The following NALCN variants were observed in gnomAD, a reference collection of about 807,000 sequenced individuals.
NALCN encodes the protein sodium leak channel NALCN.
In NALCN, 111 loss-of-function variants were observed where a neutral mutation model predicts 225.3. The ratio of observed to expected loss-of-function variants is 0.49; its 90% CI spans 0.42 to 0.58. NALCN has a LOEUF of 0.58. Among genes scored for constraint, NALCN ranks in the 20% least tolerant of loss-of-function variants. The pLI is 0.00. For synonymous variants in NALCN, 764 were observed against 769.0 expected (o/e 0.99, Z 0.11); for missense variants, 1,378 against 2,202.4 (o/e 0.63, Z 7.49).
intron 13 of NALCN, among the ~76,000 whole-genome samples, chr13:101,214,634 G>A (rs1051177275): frequency 1.1e-4 from 17 of 151,950 alleles, no homozygotes; most frequent in Non-Finnish European, 1.3e-4. Context: ...AAAACTCCAG[G>A]GACCAAAAGC....
chr13:101,105,382 T>C (rs1031959981), intron 22 of NALCN, among the ~76,000 whole-genome samples: 1 of 152,210 alleles, frequency 6.6e-6, no homozygotes, highest in Non-Finnish European at 1.5e-5. Flanking sequence ...TTAACTGTGA[T>C]GTGGTAGAAT....
intron 6 of NALCN, among the ~76,000 whole-genome samples, chr13:101,350,319 C>A (rs990719781): frequency 6.6e-6 from 1 of 152,080 alleles, no homozygotes; most frequent in Non-Finnish European, 1.5e-5. Flanking sequence ...CCAGCTCCTG[C>A]CTAATGCAGG....
intron 6 of NALCN, among the ~76,000 whole-genome samples, chr13:101,366,854 A>G (rs2139383999): frequency 6.6e-6 from 1 of 152,240 alleles, no homozygotes; most frequent in African/African-American, 2.4e-5. Flanking sequence ...CCTGTTGTGC[A>G]TGGATCTCAA....
At chr13:101,123,679 G>A (rs1310067528) in intron 18 of NALCN, among the ~76,000 whole-genome samples, 4 of 152,162 alleles carry the variant, frequency 2.6e-5, no homozygotes. Flanking sequence ...GAGAAATACT[G>A]TCTTGATGAG....
intron 13 of NALCN, among the ~76,000 whole-genome samples, chr13:101,226,289 C>A (rs2041138520): frequency 6.6e-6 from 1 of 152,140 alleles, no homozygotes; most frequent in African/African-American, 2.4e-5. Context: ...CCACAATAAA[C>A]TTTCCCTCAC....
intron 15 of NALCN, among the ~76,000 whole-genome samples, chr13:101,151,389 G>A (rs1355768983): frequency 6.6e-6 from 1 of 152,274 alleles, no homozygotes; most frequent in Non-Finnish European, 1.5e-5. Flanking sequence ...AAAAATTTTT[G>A]TAATTTTTTG....
intron 11 of NALCN, among the ~76,000 whole-genome samples, chr13:101,246,524 T>C (rs889993776): frequency 6.6e-6 from 1 of 152,192 alleles, no homozygotes; most frequent in Non-Finnish European, 1.5e-5. Flanking sequence ...TAGCTTATAG[T>C]GTATATCAGT....
rs145963290 is a variant in NALCN at position 101,259,948 on chromosome 13, C to T, written c.1135-1374G>A. On this transcript the variant is annotated intron_variant, in intron 10 of 43. Coordinates refer to ENST00000251127, the MANE Select transcript of NALCN (RefSeq NM_052867.4). ...TATTGACTGCAGTCACTGTATTATG[C>T]TAGCAAATAGTAGGTCTTATCTATT... is the stretch of plus-strand genomic sequence containing the variant. 4.8e-4 allele frequency among the ~76,000 whole-genome samples: 73 copies of T among 151,654 alleles called. 2 individuals carry two copies. The highest frequency in any genetic ancestry group is 1.7e-3 in the African/African-American group (70 of 41,388).
intron 7 of NALCN, among the ~76,000 whole-genome samples, chr13:101,316,893 C>G (rs1415866): frequency 0.41 from 62,030 of 151,974 alleles, 13,019 homozygotes; most frequent in Middle Eastern, 0.47. Flanking sequence ...TAATTAAGTA[C>G]TTTCATGATG....
chr13:101,330,315 T>C (rs1455198390), intron 7 of NALCN, among the ~76,000 whole-genome samples: 1 of 152,014 alleles, frequency 6.6e-6, no homozygotes, highest in African/African-American at 2.4e-5. Flanking sequence ...AGCCAAATGG[T>C]TCACAGATGT....
At chr13:101,171,313 C>A (rs2038704006) in intron 15 of NALCN, among the ~76,000 whole-genome samples, 1 of 147,924 alleles carries the variant, frequency 6.8e-6, no homozygotes, top group South Asian at 2.1e-4. Flanking sequence ...TTAATATATA[C>A]ATATACGTAT....
At chr13:101,177,433 G>A (rs1374983717) in intron 14 of NALCN, among the ~76,000 whole-genome samples, 6 of 94,610 alleles carry the variant, frequency 6.3e-5, no homozygotes, top group South Asian at 3.7e-4. Flanking sequence ...ATATATATAT[G>A]GTAGAAGCTC....
rs770521490 is a variant in NALCN, at chr13:101,111,229, A to AG, written c.2193-4dup. ...GCATGCGCTGTCGGGTGCAAGCTCTAGGAAAAAAAAAGGAGCCCAAGATAA... is the reference window on the plus strand; with the variant it reads ...GCATGCGCTGTCGGGTGCAAGCTCTAGGGAAAAAAAAAGGAGCCCAAGATAA... On this transcript the variant is annotated splice_region_variant and splice_polypyrimidine_tract_variant and intron_variant, in intron 18 of 43. Transcript: ENST00000251127. 4 of 1,579,542 alleles carry AG rather than the reference A, an allele frequency of 2.5e-6. No homozygotes were observed. Among genetic ancestry groups the AG allele is most frequent in the East Asian group, 4.6e-5 (2 of 43,162 alleles).
chr13:101,280,460 A>G (rs1363313410), intron 10 of NALCN, among the ~76,000 whole-genome samples: 1 of 151,958 alleles, frequency 6.6e-6, no homozygotes, highest in Non-Finnish European at 1.5e-5. Context: ...TTGTCATCAC[A>G]CTTCACCCTG....
In NALCN at chr13:101,330,045, TTATATATAATA is replaced by T. The variant is rs1249203071; in HGVS notation, c.799+15210_799+15220del. 4.7e-5 allele frequency among the ~76,000 whole-genome samples: 7 copies of T among 149,516 alleles called. No individual in the cohort carries two copies. The East Asian group carries it at 1.4e-3, about 29-fold the overall frequency. On this transcript the variant is annotated intron_variant, in intron 7 of 43. Coordinates refer to ENST00000251127, the MANE Select transcript of NALCN (RefSeq NM_052867.4). ...CAGAGAGAGACTGTTTCAAAAAAAATTATATATAATATATATATACATATATATAATGTTAT... is the reference window on the plus strand; with the variant it reads ...CAGAGAGAGACTGTTTCAAAAAAAATTATATATACATATATATAATGTTAT...
rs377466958 is a variant in NALCN, at chr13:101,295,578, A to AT, written c.800-3213dup. Among the ~76,000 whole-genome samples the AT allele has an allele frequency of 1.6e-3, 243 of 151,532 alleles. 1 individual carries two copies. The highest frequency in any genetic ancestry group is 6.8e-3 in the Middle Eastern group (2 of 294). ...CTAGTAGCCTTGAAACTTCTACTCC[A>AT]TTTTTTTTTCTAATTGGACAAAGGA... On this transcript the variant is annotated intron_variant, in intron 7 of 43. Transcript: ENST00000251127.
intron 13 of NALCN, among the ~76,000 whole-genome samples, chr13:101,214,991 A>C (rs533067939): frequency 2.4e-4 from 37 of 152,282 alleles, no homozygotes; most frequent in Middle Eastern, 6.8e-3. Context: ...GTACTGTGGC[A>C]ATTGTTTATC....
chr13:101,317,518 T>A (rs1313085136), intron 7 of NALCN, among the ~76,000 whole-genome samples: 1 of 152,196 alleles, frequency 6.6e-6, no homozygotes, highest in Non-Finnish European at 1.5e-5. Flanking sequence ...CCATAGGGGA[T>A]CCCTGATTAA....
chr13:101,336,176 T>C (rs1055183194), intron 7 of NALCN, among the ~76,000 whole-genome samples: 4 of 152,100 alleles, frequency 2.6e-5, no homozygotes, highest in Non-Finnish European at 5.9e-5. Context: ...TTCAGCAAGA[T>C]ACAGGGGTAG....
Sources: allele counts gnomAD v4.1 joint callset (sites outside exome capture counted in the v4.1 genomes callset), GRCh38; gene constraint gnomAD v4.1.1; transcripts MANE v1.5; gene names NCBI Gene and HGNC (gene_info 2026-07-23, HGNC 2026-07-21).